The following FGF14 variants were observed in gnomAD, a reference collection of about 807,000 sequenced individuals.
FGF14 encodes the protein fibroblast growth factor homologous factor 4.
FGF14 carries 5 observed loss-of-function variants against 25.5 expected under a neutral mutation model. The observed-to-expected ratio is 0.20, with a 90% CI of 0.10 to 0.41. FGF14 has a LOEUF of 0.41. Ranked by LOEUF, FGF14 falls within the 10% of genes least tolerant of loss-of-function variation. The pLI is 1.00. For synonymous variants in FGF14, 138 were observed against 118.3 expected (o/e 1.17, Z -1.08); for missense variants, 222 against 320.1 (o/e 0.69, Z 2.34).
rs545537254 is a variant in FGF14, at chr13:101,718,942, A to T, written c.*3889T>A. 1 of 152,244 alleles carries T rather than the reference A, an allele frequency of 6.6e-6. No individual in the cohort carries two copies. Among genetic ancestry groups the T allele is most frequent in the African/African-American group, 2.4e-5 (1 of 41,562 alleles). 9.4% of individuals were successfully genotyped at this position (152,244 alleles called of 1,614,324 possible). ...CTACTATTTCACTCAAAGTAAGACC[A>T]TGTACATCCTGGATTTTGATATGCC... On this transcript the variant is annotated 3_prime_UTR_variant, in exon 5 of 5. Transcript: ENST00000376143.
Position 101,726,679 on chromosome 13 carries a change from T to A in FGF14, c.540A>T (p.Gln180His). 1.9e-6 allele frequency: 3 copies of A among 1,613,618 alleles called. No individual in the cohort carries two copies. Among genetic ancestry groups the A allele is most frequent in the Non-Finnish European group, 2.5e-6 (3 of 1,179,694 alleles). ...TCTTTACTCTGTTCCCTTTCATAGC[T>A]TGCCCTTCCTTATTTAATCCCAAAA... ...AWFLGLNKEGQAMKGNRVKKT... is the reference protein window; with the variant it reads ...AWFLGLNKEGHAMKGNRVKKT... The change falls in exon 4 of 5, where the codon CAA (glutamine) becomes CAT (histidine). Residue 180 changes from glutamine to histidine, a missense_variant. This residue lies in a region of FGF14 where 66 missense variants were observed against 90.3 expected (regional missense o/e 0.73). Coordinates refer to ENST00000376143, the MANE Select transcript of FGF14 (RefSeq NM_004115.4).
At chr13:102,065,029 C>T (rs191812148) in intron 1 of FGF14, among the ~76,000 whole-genome samples, 28 of 152,068 alleles carry the variant, frequency 1.8e-4, no homozygotes, top group Admixed American at 1.2e-3. Flanking sequence ...ACTCTCTTTT[C>T]CACATGAAAA....
At chr13:102,398,782 C>T (rs1015988569) in intron 1 of FGF14, among the ~76,000 whole-genome samples, 4 of 151,390 alleles carry the variant, frequency 2.6e-5, no homozygotes, top group African/African-American at 9.7e-5. Context: ...AAGGGAATGG[C>T]TTGGCATGGG....
At chr13:102,060,300 G>C (rs1004277627) in intron 1 of FGF14, among the ~76,000 whole-genome samples, 10 of 151,998 alleles carry the variant, frequency 6.6e-5, no homozygotes, top group Admixed American at 5.2e-4. Flanking sequence ...CTGAGGCCGG[G>C]GGATCATGAG....
In FGF14 at chr13:101,916,736, C is replaced by T; in HGVS notation, c.-91G>A. 2.5e-6 allele frequency: 3 copies of T among 1,208,888 alleles called. No homozygotes were observed. Among genetic ancestry groups the T allele is most frequent in the Non-Finnish European group, 2.2e-6 (2 of 893,516 alleles). The allele number at this position is 1,208,888 out of a possible 1,614,324, so 74.9% of individuals were successfully genotyped here. A position where few individuals can be genotyped will look rare whatever the true frequency, so the allele number is the denominator to read the frequency against. On this transcript the variant is annotated 5_prime_UTR_variant, in exon 1 of 5. Transcript: ENST00000376143. The stretch of plus-strand genomic sequence containing the variant: ...GGGAAGGCGGCGGCGCAGACCGTGG[C>T]TCGCCCTCGGGGCAGAGGAGGGGGT...
chr13:102,181,282 T>C (rs2140751891), intron 1 of FGF14, among the ~76,000 whole-genome samples: 1 of 152,224 alleles, frequency 6.6e-6, no homozygotes, highest in South Asian at 2.1e-4. Flanking sequence ...GAGCCCATGA[T>C]TATGTTACCT....
chr13:101,941,537 G>A (rs1350504708), intron 1 of FGF14, among the ~76,000 whole-genome samples: 3 of 152,172 alleles, frequency 2.0e-5, no homozygotes, highest in Non-Finnish European at 4.4e-5. Flanking sequence ...CTGAGTTGCA[G>A]CAAGACTCCT....
At chr13:101,723,063 C>T in intron 4 of FGF14, 96 bp from the exon 5 acceptor site, 1 of 1,470,048 alleles carries the variant, frequency 6.8e-7, no homozygotes, top group South Asian at 1.1e-5. Context: ...GCAGTTTGCC[C>T]ATTTCTGTTT....
intron 3 of FGF14, among the ~76,000 whole-genome samples, chr13:101,743,186 G>A (rs2036662869): frequency 6.6e-6 from 1 of 152,184 alleles, no homozygotes; most frequent in South Asian, 2.1e-4. Context: ...TCCCGAGGCT[G>A]TCACAGGCAT....
intron 1 of FGF14, among the ~76,000 whole-genome samples, chr13:102,106,964 C>T (rs542662865): frequency 4.6e-5 from 7 of 152,090 alleles, no homozygotes; most frequent in South Asian, 2.1e-4. Context: ...GGCAACAGTC[C>T]GATAGCTCAC....
chr13:102,063,917 C>A (rs530391320), intron 1 of FGF14, among the ~76,000 whole-genome samples: 62 of 151,994 alleles, frequency 4.1e-4, no homozygotes, highest in African/African-American at 1.5e-3. Flanking sequence ...AGCTTACTGG[C>A]AATAATGTTT....
chr13:102,202,152 T>C (rs1464297603), intron 1 of FGF14, among the ~76,000 whole-genome samples: 2 of 152,226 alleles, frequency 1.3e-5, no homozygotes, highest in Non-Finnish European at 2.9e-5. Context: ...GATGCTGCCA[T>C]GCTTCCTATA....
intron 1 of FGF14, chr13:102,394,486 G>C (rs1310148133): frequency 2.0e-5 from 3 of 152,512 alleles, no homozygotes; most frequent in Non-Finnish European, 2.9e-5. Context: ...TCTCCCGCGC[G>C]GCGGCTTCCG....
intron 1 of FGF14, chr13:102,292,777 T>A (rs968380734): frequency 2.0e-5 from 3 of 152,186 alleles, no homozygotes; most frequent in African/African-American, 7.2e-5. Context: ...TTAGACACAA[T>A]GAATGACAAT....
chr13:102,136,984 G>A (rs1012258963), intron 1 of FGF14, among the ~76,000 whole-genome samples: 4 of 152,130 alleles, frequency 2.6e-5, no homozygotes, highest in African/African-American at 9.7e-5. Context: ...TACGAACTTT[G>A]TGACAGTGAT....
intron 1 of FGF14, among the ~76,000 whole-genome samples, chr13:101,881,949 A>C (rs1200767916): frequency 6.6e-6 from 1 of 152,202 alleles, no homozygotes; most frequent in Non-Finnish European, 1.5e-5. Context: ...CTGCCAGCTG[A>C]GAGAGTACAT....
chr13:101,939,876 T>C (rs1472480132), intron 1 of FGF14, among the ~76,000 whole-genome samples: 1 of 152,068 alleles, frequency 6.6e-6, no homozygotes, highest in Non-Finnish European at 1.5e-5. Context: ...ATAGCATGAA[T>C]GAAAGGGTCA....
At chr13:101,970,536 T>A (rs1199406855) in intron 1 of FGF14, among the ~76,000 whole-genome samples, 2 of 152,132 alleles carry the variant, frequency 1.3e-5, no homozygotes, top group Non-Finnish European at 2.9e-5. Context: ...AGCCTTAGAA[T>A]CAAGGTTGCT....
At chr13:101,846,500 C>A (rs911082930) in intron 3 of FGF14, among the ~76,000 whole-genome samples, 3 of 152,004 alleles carry the variant, frequency 2.0e-5, no homozygotes, top group Non-Finnish European at 4.4e-5. Flanking sequence ...TTTTTGCCGA[C>A]TCTTAAATGT....
Sources: allele counts gnomAD v4.1 joint callset (sites outside exome capture counted in the v4.1 genomes callset), GRCh38; gene constraint gnomAD v4.1.1; regional missense constraint gnomAD v4.1.1; transcripts MANE v1.5; gene names NCBI Gene and HGNC (gene_info 2026-07-23, HGNC 2026-07-21).